Variants in GALNTL6 observed in about 807,000 individuals in gnomAD.
GALNTL6 encodes the protein polypeptide N-acetylgalactosaminyltransferase-like 6.
In GALNTL6, 46 loss-of-function variants were observed where a neutral mutation model predicts 73.7. The observed-to-expected ratio is 0.62, with a 90% CI of 0.49 to 0.80. The LOEUF is 0.80. Ranked by LOEUF, GALNTL6 falls within the 30% of genes least tolerant of loss-of-function variation. The probability of loss-of-function intolerance (pLI) is 0.00; values close to 1 mark genes in which losing one functional copy is unlikely to be tolerated. For missense variants in GALNTL6, 604 were observed against 755.0 expected (o/e 0.80, Z 2.34); for synonymous variants, 259 against 263.7 (o/e 0.98, Z 0.17).
rs148774436 is a variant in GALNTL6 at position 172,696,021 on chromosome 4, A to C, written c.554-113340A>C. Among the ~76,000 whole-genome samples the C allele has an allele frequency of 7.5e-4, 114 of 151,978 alleles. 1 individual carries two copies. Among genetic ancestry groups the C allele is most frequent in the Middle Eastern group, 3.4e-3 (1 of 290 alleles). ...ATTAAACTTTAAATTCTCCATTTTT[A>C]GATATTAACTAATGTTTCTCATCTA... On this transcript the variant is annotated intron_variant, in intron 5 of 12. Coordinates refer to ENST00000506823, the MANE Select transcript of GALNTL6 (RefSeq NM_001034845.3).
intron 2 of GALNTL6, among the ~76,000 whole-genome samples, chr4:172,102,956 T>G (rs1732561682): frequency 6.6e-6 from 1 of 152,176 alleles, no homozygotes; most frequent in South Asian, 2.1e-4. Flanking sequence ...GGGGAAAGTA[T>G]CTTCAAAGTT....
At position 172,889,626 on chromosome 4, in the gene GALNTL6, G is replaced by A. The variant is rs372974790; in HGVS notation, c.1041+6719G>A. Among the ~76,000 whole-genome samples the A allele has an allele frequency of 2.6e-4, 39 of 152,192 alleles. No homozygotes were observed. The East Asian group carries it at 6.8e-3, about 26-fold the overall frequency. ...AAGACTTCTTGATCATGGTGAATTA[G>A]CGTTTTGATGTGCTGCTGAATTTGG... On this transcript the variant is annotated intron_variant, in intron 8 of 12. Coordinates refer to ENST00000506823, the MANE Select transcript of GALNTL6 (RefSeq NM_001034845.3).
chr4:172,351,393 A>G (rs1461011456), intron 5 of GALNTL6, among the ~76,000 whole-genome samples: 1 of 152,176 alleles, frequency 6.6e-6, no homozygotes, highest in African/African-American at 2.4e-5. Flanking sequence ...GAAGTAAAAT[A>G]AAATTCTGAG....
intron 3 of GALNTL6, among the ~76,000 whole-genome samples, chr4:172,232,705 A>G (rs1006799127): frequency 6.6e-6 from 1 of 151,942 alleles, no homozygotes; most frequent in African/African-American, 2.4e-5. Context: ...CTTTTCCCCC[A>G]ATTTGGTGAT....
intron 2 of GALNTL6, among the ~76,000 whole-genome samples, chr4:172,093,405 C>A (rs1035008411): frequency 3.3e-5 from 5 of 152,066 alleles, no homozygotes; most frequent in Non-Finnish European, 7.4e-5. Flanking sequence ...TTAACAAAAA[C>A]CACATCCTCA....
intron 5 of GALNTL6, among the ~76,000 whole-genome samples, chr4:172,477,189 CAGAG>C (rs34999026): frequency 2.3e-4 from 34 of 148,022 alleles, no homozygotes; most frequent in Admixed American, 2.7e-4. Context: ...ATGTGTAAAG[CAGAG>C]AGAGAGAGAG....
chr4:172,068,238 G>A lies in GALNTL6; in HGVS notation c.139-161418G>A, dbSNP rs536347912. ...CTACTTTTTTCCCTCCTCACTATCC[G>A]CACCCTAGCTCAAGCTACCTCTACT... is the stretch of plus-strand genomic sequence containing the variant. On this transcript the variant is annotated intron_variant, in intron 2 of 12. Coordinates refer to ENST00000506823, the MANE Select transcript of GALNTL6 (RefSeq NM_001034845.3). Among the ~76,000 whole-genome samples, 180 of 107,922 alleles carry A rather than the reference G, an allele frequency of 1.7e-3. 59 individuals carry two copies. Among genetic ancestry groups the A allele is most frequent in the African/African-American group, 6.0e-3 (171 of 28,454 alleles). 70.8% of individuals were successfully genotyped at this position (107,922 alleles called of 152,430 possible).
chr4:172,540,955 C>G (rs1735530280), intron 5 of GALNTL6, among the ~76,000 whole-genome samples: 1 of 152,080 alleles, frequency 6.6e-6, no homozygotes. Flanking sequence ...TAGGAAAGGC[C>G]TAGAAACGGA....
intron 12 of GALNTL6, among the ~76,000 whole-genome samples, chr4:173,030,073 T>C (rs185234160): frequency 2.0e-5 from 3 of 152,284 alleles, no homozygotes; most frequent in Admixed American, 6.5e-5. Context: ...GAAAACAAAA[T>C]TGGACTCTTC....
chr4:172,541,853 A>G (rs1735560474), intron 5 of GALNTL6, among the ~76,000 whole-genome samples: 1 of 152,078 alleles, frequency 6.6e-6, no homozygotes, highest in Non-Finnish European at 1.5e-5. Flanking sequence ...CTTTTAGTGC[A>G]CATGCTTGAG....
intron 5 of GALNTL6, among the ~76,000 whole-genome samples, chr4:172,779,106 G>A (rs1210512184): frequency 6.6e-6 from 1 of 152,008 alleles, no homozygotes; most frequent in Non-Finnish European, 1.5e-5. Flanking sequence ...GTTCACTGCT[G>A]TATATACCCA....
chr4:171,824,852 T>C (rs1734782261), intron 2 of GALNTL6, among the ~76,000 whole-genome samples: 1 of 152,160 alleles, frequency 6.6e-6, no homozygotes, highest in Non-Finnish European at 1.5e-5. Flanking sequence ...AATTCTTGAG[T>C]AGCCCATACA....
chr4:172,230,887 G>T (rs1737042703), intron 3 of GALNTL6, among the ~76,000 whole-genome samples: 1 of 152,170 alleles, frequency 6.6e-6, no homozygotes, highest in South Asian at 2.1e-4. Context: ...TGTTCAACTA[G>T]AGTTAGTAAC....
At position 172,809,661 on chromosome 4, in the gene GALNTL6, G is replaced by A. The variant is rs979347815; in HGVS notation, c.739+115G>A. 1.4e-6 allele frequency: 1 copy of A among 739,642 alleles called. No individual in the cohort carries two copies. The highest frequency in any genetic ancestry group is 2.1e-6 in the Non-Finnish European group (1 of 474,072). The allele number at this position is 739,642 out of a possible 1,614,324, so 45.8% of individuals were successfully genotyped here. A position where few individuals can be genotyped will look rare whatever the true frequency, so the allele number is the denominator to read the frequency against. On this transcript the variant is annotated intron_variant, in intron 6 of 12. Transcript: ENST00000506823. The surrounding 1 kb of genome is among the most constrained non-coding windows in gnomAD (Gnocchi z 4.4). ...AGGTCCCTTCTACAAGTTTTCCAGG[G>A]GAAGCCTTGAATTTTATATTTACCA...
chr4:172,944,652 C>G (rs1228231396), intron 9 of GALNTL6, among the ~76,000 whole-genome samples: 1 of 152,200 alleles, frequency 6.6e-6, no homozygotes, highest in African/African-American at 2.4e-5. Flanking sequence ...AAGACTTGTA[C>G]AAGACTGTTC....
intron 2 of GALNTL6, among the ~76,000 whole-genome samples, chr4:172,037,955 T>TA (rs1269558130): frequency 6.6e-6 from 1 of 151,878 alleles, no homozygotes; most frequent in Non-Finnish European, 1.5e-5. Context: ...CTGTCTCTAC[T>TA]AAAAAATACA....
In GALNTL6 at chr4:171,965,551, T is replaced by G. The variant is rs573658780; in HGVS notation, c.138+150833T>G. Among the ~76,000 whole-genome samples, 204 of 150,654 alleles carry G rather than the reference T, an allele frequency of 1.4e-3. 1 individual carries two copies. The highest frequency in any genetic ancestry group is 2.7e-3 in the Non-Finnish European group (181 of 67,784). On this transcript the variant is annotated intron_variant, in intron 2 of 12. Transcript: ENST00000506823. ...GGCACCTGTAATCCCAGCTACTTGG[T>G]AGGCTGAGGCAGGAGAATGGCATGA...
In GALNTL6 at chr4:173,040,118, A is replaced by G. The variant is rs1050621003; in HGVS notation, c.*18A>G. ...ACTCCTAGAAAGAAGAAAGGAAGAA[A>G]GAGTGATTACCTACAGGTTATAAAT... On this transcript the variant is annotated 3_prime_UTR_variant, in exon 13 of 13. Coordinates refer to ENST00000506823, the MANE Select transcript of GALNTL6 (RefSeq NM_001034845.3). 1.9e-6 allele frequency: 3 copies of G among 1,587,004 alleles called. No homozygotes were observed. Among genetic ancestry groups the G allele is most frequent in the East Asian group, 4.5e-5 (2 of 44,672 alleles).
intron 2 of GALNTL6, among the ~76,000 whole-genome samples, chr4:171,979,605 G>T (rs192549535): frequency 6.6e-6 from 1 of 152,280 alleles, no homozygotes. Context: ...CTAGAAAATA[G>T]CCTGGGGCAG....
Sources: allele counts gnomAD v4.1 joint callset (sites outside exome capture counted in the v4.1 genomes callset), GRCh38; gene constraint gnomAD v4.1.1; non-coding constraint Gnocchi (gnomAD v3.1); transcripts MANE v1.5; gene names NCBI Gene and HGNC (gene_info 2026-07-23, HGNC 2026-07-21).